ARPC1A: variants seen among roughly 807,000 people sequenced by gnomAD.
The protein encoded by ARPC1A is actin-related protein 2/3 complex subunit 1A.
ARPC1A carries 8 observed loss-of-function variants against 46.9 expected under a neutral mutation model. The observed-to-expected ratio is 0.17, with a 90% confidence interval of 0.10 to 0.31. The LOEUF (loss-of-function observed/expected upper bound fraction) is 0.31, where lower values mean the gene tolerates loss of function less well. Among genes scored for constraint, ARPC1A ranks in the 10% least tolerant of loss-of-function variants. The pLI is 1.00. For missense variants in ARPC1A, 286 were observed against 483.6 expected (o/e 0.59, Z 3.83); for synonymous variants, 152 against 169.0 (o/e 0.90, Z 0.78).
chr7:99,330,532 C>T (rs190912894), intron 1 of ARPC1A, among the ~76,000 whole-genome samples: 167 of 152,296 alleles, frequency 1.1e-3, no homozygotes, highest in African/African-American at 3.6e-3. Flanking sequence ...CCAGGCTGGT[C>T]TCGAACTCCC....
chr7:99,364,752 C>T (rs979703714), intron 9 of ARPC1A, among the ~76,000 whole-genome samples: 56 of 152,066 alleles, frequency 3.7e-4, no homozygotes. Flanking sequence ...ATAGCTGACA[C>T]TAATTAATTT....
At chr7:99,359,142 A>G (rs1793694050) in intron 7 of ARPC1A, among the ~76,000 whole-genome samples, 1 of 147,674 alleles carries the variant, frequency 6.8e-6, no homozygotes, top group Middle Eastern at 3.4e-3. Flanking sequence ...CTCACTTTTA[A>G]GAGTAAGAGG....
chr7:99,361,586 T>C (rs1793741241), intron 8 of ARPC1A, among the ~76,000 whole-genome samples: 1 of 152,212 alleles, frequency 6.6e-6, no homozygotes, highest in Non-Finnish European at 1.5e-5. Context: ...CTGTCTTGAA[T>C]GGCTCCGAGT....
In ARPC1A at chr7:99,358,201, G is replaced by A. The variant is rs957027799; in HGVS notation, c.714-139G>A. On this transcript the variant is annotated intron_variant, in intron 6 of 9. Transcript: ENST00000262942. ...TGTCTTGAGAGGCCTGCAAGTTGAG[G>A]TCAGGGGCTCCTTTTCAACATAAGT... The A allele has an allele frequency of 6.4e-6, 5 of 786,340 alleles. 1 individual carries two copies. Among genetic ancestry groups the A allele is most frequent in the Non-Finnish European group, 1.0e-5 (5 of 492,268 alleles). The allele number at this position is 786,340 out of a possible 1,614,324, so 48.7% of individuals were successfully genotyped here. A position where few individuals can be genotyped will look rare whatever the true frequency, so the allele number is the denominator to read the frequency against.
At chr7:99,328,351 A>G (rs1363374100) in intron 1 of ARPC1A, among the ~76,000 whole-genome samples, 2 of 152,222 alleles carry the variant, frequency 1.3e-5, no homozygotes, top group Admixed American at 1.3e-4. Context: ...CCTAGGCAAC[A>G]AGAGCAAAAC....
rs1793573400 is a variant in ARPC1A, at chr7:99,353,119, TTATGTTATG to T, written c.501-788_501-780del. 3.0e-3 allele frequency among the ~76,000 whole-genome samples: 94 copies of T among 31,138 alleles called. No homozygotes were observed. In the East Asian group the frequency reaches 0.033, roughly 11 times the overall value. 20.4% of individuals were successfully genotyped at this position (31,138 alleles called of 152,430 possible). ...TTAGTTTAGTTTAGTTTAGTTTATGTTATGTTATGTTATGTTATGTTATGTTATGTTATG... is the reference window on the plus strand; with the variant it reads ...TTAGTTTAGTTTAGTTTAGTTTATGTTTATGTTATGTTATGTTATGTTATG... On this transcript the variant is annotated intron_variant, in intron 5 of 9. Transcript: ENST00000262942.
At chr7:99,348,714 T>G (rs1793503125) in intron 4 of ARPC1A, 138 bp from the exon 5 acceptor site, 4 of 504,540 alleles carry the variant, frequency 7.9e-6, no homozygotes, top group Non-Finnish European at 1.4e-5. Context: ...AAAAATAATA[T>G]TCTGAATTGT....
chr7:99,332,021 T>A (rs1793151190), intron 1 of ARPC1A, among the ~76,000 whole-genome samples: 1 of 152,228 alleles, frequency 6.6e-6, no homozygotes, highest in Non-Finnish European at 1.5e-5. Flanking sequence ...CTTTTTGGAA[T>A]AGTCCAGGCC....
At chr7:99,341,857 C>T (rs1183899208) in intron 3 of ARPC1A, among the ~76,000 whole-genome samples, 6 of 151,686 alleles carry the variant, frequency 4.0e-5, no homozygotes, top group Non-Finnish European at 1.5e-5. Context: ...AACTCTGGGG[C>T]AGGAGATCAA....
At chr7:99,358,682 A>G in intron 7 of ARPC1A, 1 of 387,292 alleles carries the variant, frequency 2.6e-6, no homozygotes, top group Non-Finnish European at 4.7e-6. Context: ...CTGGGAATAT[A>G]GGCATGCGCC....
At chr7:99,330,304 C>A (rs1171935972) in intron 1 of ARPC1A, among the ~76,000 whole-genome samples, 2 of 151,906 alleles carry the variant, frequency 1.3e-5, no homozygotes, top group Non-Finnish European at 2.9e-5. Flanking sequence ...GTTCCCCCCC[C>A]CTTTTTGTTT....
chr7:99,357,513 A>C (rs1305706692), intron 6 of ARPC1A, among the ~76,000 whole-genome samples: 1 of 149,892 alleles, frequency 6.7e-6, no homozygotes, highest in East Asian at 2.0e-4. Flanking sequence ...AATTTTTCGT[A>C]GAGACTGGGT....
rs1352217359 is a variant in ARPC1A, at chr7:99,325,985, C to G, written c.-49C>G. ...CGCGAATCCTCCGCTCCGAGCCCGT[C>G]CGGACTCCCCCGATCCCAGGTAACG... On this transcript the variant is annotated 5_prime_UTR_variant, in exon 1 of 10. Transcript: ENST00000262942. The G allele has an allele frequency of 6.6e-6, 1 of 152,494 alleles. No individual in the cohort carries two copies. Among genetic ancestry groups the G allele is most frequent in the African/African-American group, 2.4e-5 (1 of 41,466 alleles). The allele number at this position is 152,494 out of a possible 1,614,324, so 9.4% of individuals were successfully genotyped here. A position where few individuals can be genotyped will look rare whatever the true frequency, so the allele number is the denominator to read the frequency against.
chr7:99,348,836 T>C lies in ARPC1A; in HGVS notation c.393-16T>C, dbSNP rs745902314. ...TGGTTGAGTGGATAAACTGAAACAG[T>C]TTTCCCCTCTCATAGGTGGGTGAGC... On this transcript the variant is annotated splice_polypyrimidine_tract_variant and intron_variant, in intron 4 of 9. Coordinates refer to ENST00000262942, the MANE Select transcript of ARPC1A (RefSeq NM_006409.4). 1 of 1,608,186 alleles carries C rather than the reference T, an allele frequency of 6.2e-7. No homozygotes were observed. Among genetic ancestry groups the C allele is most frequent in the Non-Finnish European group, 8.5e-7 (1 of 1,175,646 alleles).
intron 6 of ARPC1A, among the ~76,000 whole-genome samples, chr7:99,356,869 T>C (rs531873294): frequency 6.6e-6 from 1 of 152,064 alleles, no homozygotes; most frequent in East Asian, 1.9e-4. Context: ...CACTGCACTC[T>C]AGGCTGGGCG....
In ARPC1A at chr7:99,363,532, CT is replaced by C; in HGVS notation, c.984-4del. The C allele has an allele frequency of 1.9e-6, 3 of 1,609,088 alleles. No homozygotes were observed. The highest frequency in any genetic ancestry group is 2.5e-6 in the Non-Finnish European group (3 of 1,176,760). On this transcript the variant is annotated splice_polypyrimidine_tract_variant and intron_variant, in intron 8 of 9. Transcript: ENST00000262942. Reference sequence around the variant, plus strand: ...ATACCTTACGATCTCTTTTGCTTTGCTTTTTTTCAGTCAAGTCTCTATTTAT... The same window carrying C: ...ATACCTTACGATCTCTTTTGCTTTGCTTTTTTCAGTCAAGTCTCTATTTAT...
intron 9 of ARPC1A, among the ~76,000 whole-genome samples, chr7:99,364,487 G>A (rs1793796283): frequency 6.6e-6 from 1 of 151,622 alleles, no homozygotes; most frequent in Non-Finnish European, 1.5e-5. Flanking sequence ...GGACATGCTG[G>A]TCTCGAACTC....
rs1030084379 is a variant in ARPC1A at position 99,328,667 on chromosome 7, G to A, written c.-30+2663G>A. On this transcript the variant is annotated intron_variant, in intron 1 of 9. Coordinates refer to ENST00000262942, the MANE Select transcript of ARPC1A (RefSeq NM_006409.4). ...AGTGATAGATAAAGAAAAGGGGTGG[G>A]GGCCGGGCATGGTGGCTCATGCTTG... Among the ~76,000 whole-genome samples, 5 of 151,942 alleles carry A rather than the reference G, an allele frequency of 3.3e-5. No individual in the cohort carries two copies. The East Asian group carries it at 9.7e-4, about 30-fold the overall frequency.
intron 1 of ARPC1A, 96 bp from the exon 2 acceptor site, chr7:99,333,229 T>C: frequency 5.1e-6 from 4 of 789,822 alleles, no homozygotes; most frequent in Non-Finnish European, 8.4e-6. Flanking sequence ...ATGTTTTATT[T>C]ATTTCCGAAC....
Sources: gnomAD v4.1 joint callset for allele counts (sites outside exome capture counted in the v4.1 genomes callset) on GRCh38, gnomAD v4.1.1 for gene constraint, MANE v1.5 for transcripts, NCBI Gene and HGNC (gene_info 2026-07-23, HGNC 2026-07-21) for gene names.